Variants in EPDR1 observed in about 807,000 individuals in gnomAD.
EPDR1 encodes the protein mammalian ependymin-related protein 1.
Under a neutral mutation model 23.7 loss-of-function variants are expected in EPDR1, and 27 were observed. The observed-to-expected ratio is 1.14, with a 90% CI of 0.84 to 1.57. EPDR1 has a LOEUF of 1.57. Among genes scored for constraint, EPDR1 ranks in the 40% most tolerant of loss-of-function variants. The pLI, the probability that EPDR1 is intolerant of heterozygous loss-of-function variation, is 0.00. For synonymous variants in EPDR1, 137 were observed against 118.2 expected (o/e 1.16, Z -1.03); for missense variants, 349 against 290.4 (o/e 1.20, Z -1.47).
chr7:37,923,155 G>A (rs973897210), intron 1 of EPDR1, among the ~76,000 whole-genome samples: 4 of 152,174 alleles, frequency 2.6e-5, no homozygotes, highest in Non-Finnish European at 5.9e-5. Context: ...AAAGATCCCT[G>A]GATGTGTCCT....
At position 37,921,044 on chromosome 7, in the gene EPDR1, G is replaced by C; in HGVS notation, c.105G>C (p.Ala35=). The C allele has an allele frequency of 1.3e-6, 2 of 1,534,590 alleles. No individual in the cohort carries two copies. The highest frequency in any genetic ancestry group is 1.7e-6 in the Non-Finnish European group (2 of 1,145,854). ...TGTGCGGCCTGTGCAGCCTGGGGGC[G>C]GTGGGAGCCCCGCGCCCGTGCCAGG... is the stretch of plus-strand genomic sequence containing the variant. ...WTLCGLCSLG[A]VGAPRPCQAP... The change falls in exon 1 of 3, where the codon GCG becomes GCC. Residue 35 remains alanine, a synonymous_variant. Transcript: ENST00000199448.
chr7:37,941,340 C>T (rs767261959), intron 1 of EPDR1, among the ~76,000 whole-genome samples: 2 of 152,318 alleles, frequency 1.3e-5, no homozygotes, highest in African/African-American at 2.4e-5. Context: ...TCATCAATTA[C>T]TTGCCAATTG....
chr7:37,930,018 T>TC, intron 1 of EPDR1, among the ~76,000 whole-genome samples: 1 of 151,794 alleles, frequency 6.6e-6, no homozygotes, highest in Non-Finnish European at 1.5e-5. Flanking sequence ...TTACCCTCAG[T>TC]CCCCCCAAAG....
chr7:37,936,106 T>G (rs1786046675), intron 1 of EPDR1, among the ~76,000 whole-genome samples: 1 of 142,052 alleles, frequency 7.0e-6, no homozygotes, highest in Admixed American at 7.3e-5. Context: ...ATTGATATAA[T>G]AAGTGATTAA....
intron 1 of EPDR1, among the ~76,000 whole-genome samples, chr7:37,940,220 T>G (rs536281371): frequency 3.3e-5 from 5 of 152,200 alleles, no homozygotes; most frequent in African/African-American, 9.7e-5. Context: ...ACATATGTAG[T>G]TGCTTATTTT....
intron 1 of EPDR1, among the ~76,000 whole-genome samples, chr7:37,945,571 T>A (rs78939164): frequency 0.051 from 7,714 of 152,242 alleles, 648 homozygotes; most frequent in African/African-American, 0.18. Context: ...GCTGAAAAAC[T>A]TCCATTGCCT....
At chr7:37,925,500 T>A (rs1785795197) in intron 1 of EPDR1, among the ~76,000 whole-genome samples, 1 of 152,260 alleles carries the variant, frequency 6.6e-6, no homozygotes, top group African/African-American at 2.4e-5. Context: ...GATTAATTCA[T>A]GTCTGCTTCT....
intron 1 of EPDR1, among the ~76,000 whole-genome samples, chr7:37,937,835 T>C (rs936711664): frequency 2.1e-4 from 31 of 151,026 alleles, no homozygotes; most frequent in African/African-American, 7.7e-4. Flanking sequence ...TAAACATTTC[T>C]TGACAGAAGC....
At chr7:37,925,176 G>T (rs34432521) in intron 1 of EPDR1, among the ~76,000 whole-genome samples, 26,307 of 152,184 alleles carry the variant, frequency 0.17, 2,400 homozygotes, top group Middle Eastern at 0.23. Context: ...AAGACTGAAG[G>T]AAATCAAGAA....
chr7:37,945,295 A>C (rs553035098), intron 1 of EPDR1, among the ~76,000 whole-genome samples: 2 of 152,328 alleles, frequency 1.3e-5, no homozygotes, highest in South Asian at 4.1e-4. Flanking sequence ...TTTTTGAGCA[A>C]TATCTCATAA....
At chr7:37,945,311 A>G (rs1211046337) in intron 1 of EPDR1, among the ~76,000 whole-genome samples, 1 of 152,208 alleles carries the variant, frequency 6.6e-6, no homozygotes, top group Non-Finnish European at 1.5e-5. Context: ...CATAAAATGC[A>G]CACTTATATT....
chr7:37,950,619 T>G lies in EPDR1; in HGVS notation c.*223T>G. 1.9e-6 allele frequency: 1 copy of G among 527,914 alleles called. No individual in the cohort carries two copies. The highest frequency in any genetic ancestry group is 3.4e-6 in the Non-Finnish European group (1 of 298,472). The allele number at this position is 527,914 out of a possible 1,614,324, so 32.7% of individuals were successfully genotyped here. Reference sequence around the variant, plus strand: ...GGTGTGGCCATATGAACTGACTAGATGGCTAATATGGACACTTTGGGTATT... The same window carrying G: ...GGTGTGGCCATATGAACTGACTAGAGGGCTAATATGGACACTTTGGGTATT... On this transcript the variant is annotated 3_prime_UTR_variant, in exon 3 of 3. Transcript: ENST00000199448.
At chr7:37,921,363 A>T in intron 1 of EPDR1, 155 bp downstream of exon 1, 1 of 1,414,148 alleles carries the variant, frequency 7.1e-7, no homozygotes, top group Non-Finnish European at 9.2e-7. Context: ...TCTTGGGGAT[A>T]GCATGGTCCG....
chr7:37,934,078 G>A (rs1299489057), intron 1 of EPDR1, among the ~76,000 whole-genome samples: 1 of 150,796 alleles, frequency 6.6e-6, no homozygotes, highest in Non-Finnish European at 1.5e-5. Context: ...CCGGGTTCAC[G>A]CCATTCTCCT....
chr7:37,934,704 G>A (rs1786014540), intron 1 of EPDR1, among the ~76,000 whole-genome samples: 1 of 152,166 alleles, frequency 6.6e-6, no homozygotes, highest in Non-Finnish European at 1.5e-5. Flanking sequence ...AGCATTCTGA[G>A]GGGCTGATGT....
At chr7:37,950,149 A>G (rs1786367028) in intron 2 of EPDR1, 51 bp from the exon 3 acceptor site, 1 of 1,358,704 alleles carries the variant, frequency 7.4e-7, no homozygotes, top group Middle Eastern at 1.9e-4. Flanking sequence ...AAAAAATATG[A>G]ACTTCTTGCC....
At chr7:37,950,087 TA>T in intron 2 of EPDR1, 112 bp from the exon 3 acceptor site, 3 of 787,708 alleles carry the variant, frequency 3.8e-6, no homozygotes, top group African/African-American at 1.7e-5. Flanking sequence ...ACCAAACACT[TA>T]AAAATGGTAA....
At chr7:37,936,767 G>A (rs944469513) in intron 1 of EPDR1, among the ~76,000 whole-genome samples, 3 of 152,114 alleles carry the variant, frequency 2.0e-5, no homozygotes, top group Non-Finnish European at 4.4e-5. Context: ...TAAAGGAAAT[G>A]TGCAAACCTT....
At chr7:37,923,634 A>G (rs1241866656) in intron 1 of EPDR1, among the ~76,000 whole-genome samples, 2 of 152,124 alleles carry the variant, frequency 1.3e-5, no homozygotes, top group Non-Finnish European at 2.9e-5. Context: ...GGAGTGTGTC[A>G]AAGAGAAGGA....
Sources: gnomAD v4.1 joint callset for allele counts (sites outside exome capture counted in the v4.1 genomes callset) on GRCh38, gnomAD v4.1.1 for gene constraint, MANE v1.5 for transcripts, NCBI Gene and HGNC (gene_info 2026-07-23, HGNC 2026-07-21) for gene names.